FOXP2: variants seen among roughly 807,000 people sequenced by gnomAD.
The protein encoded by FOXP2 is forkhead box P2.
FOXP2 carries 12 observed loss-of-function variants against 115.8 expected under a neutral mutation model. That is an observed-to-expected ratio of 0.10 (90% CI 0.07 to 0.17). FOXP2 has a LOEUF of 0.17. Ranked by LOEUF, FOXP2 falls within the 10% of genes least tolerant of loss-of-function variation. FOXP2 has a pLI of 1.00. For synonymous variants in FOXP2, 328 were observed against 297.7 expected (o/e 1.10, Z -1.05); for missense variants, 629 against 843.5 (o/e 0.75, Z 3.15).
intron 3 of FOXP2, among the ~76,000 whole-genome samples, chr7:114,598,571 C>A (rs150011070): frequency 3.0e-4 from 45 of 151,990 alleles, no homozygotes; most frequent in African/African-American, 9.9e-4. Flanking sequence ...TACTTAATGA[C>A]ATTTATCTTT....
At chr7:114,477,829 A>C (rs1796351309) in intron 2 of FOXP2, among the ~76,000 whole-genome samples, 1 of 151,928 alleles carries the variant, frequency 6.6e-6, no homozygotes, top group Non-Finnish European at 1.5e-5. Context: ...TGAGATAAAA[A>C]TTATAAATAT....
At chr7:114,193,074 A>G (rs1406623635) in intron 1 of FOXP2, among the ~76,000 whole-genome samples, 1 of 152,120 alleles carries the variant, frequency 6.6e-6, no homozygotes, top group Non-Finnish European at 1.5e-5. Context: ...TATAGTAGAT[A>G]TTTTATAATA....
chr7:114,560,581 A>G (rs1347264715), intron 3 of FOXP2, among the ~76,000 whole-genome samples: 5 of 152,182 alleles, frequency 3.3e-5, no homozygotes, highest in Non-Finnish European at 4.4e-5. Context: ...GTGCCACTGC[A>G]CACCAGCCTG....
chr7:114,460,673 A>G (rs1314535553), intron 2 of FOXP2, among the ~76,000 whole-genome samples: 1 of 152,228 alleles, frequency 6.6e-6, no homozygotes, highest in Non-Finnish European at 1.5e-5. Context: ...CCTATGAATA[A>G]CATCAGTTAC....
At chr7:114,323,727 C>T (rs184646797) in intron 2 of FOXP2, among the ~76,000 whole-genome samples, 91 of 151,978 alleles carry the variant, frequency 6.0e-4, no homozygotes, top group African/African-American at 2.1e-3. Flanking sequence ...ATATGAAATA[C>T]CATCAGAGTA....
At chr7:114,224,002 A>G (rs1794685778) in intron 1 of FOXP2, among the ~76,000 whole-genome samples, 1 of 152,062 alleles carries the variant, frequency 6.6e-6, no homozygotes, top group African/African-American at 2.4e-5. Flanking sequence ...TACATTGAGA[A>G]TATATTTTTG....
At position 114,138,393 on chromosome 7, in the gene FOXP2, CTTTTTTT is replaced by C. The variant is rs34769199; in HGVS notation, c.-246-24541_-246-24535del. 3.6e-5 allele frequency among the ~76,000 whole-genome samples: 5 copies of C among 138,488 alleles called. No individual in the cohort carries two copies. In the East Asian group the frequency reaches 1.1e-3, roughly 29 times the overall value. The allele number at this position is 138,488 out of a possible 152,430, so 90.9% of individuals were successfully genotyped here. On this transcript the variant is annotated intron_variant, in intron 1 of 19. Transcript: ENST00000635638. Reference sequence around the variant, plus strand: ...CCCACAACAACTCTATAAGCCTATTCTTTTTTTTTTTTTTTTGAAACAGAGTCTCACA... The same window carrying C: ...CCCACAACAACTCTATAAGCCTATTCTTTTTTTTTGAAACAGAGTCTCACA...
intron 1 of FOXP2, among the ~76,000 whole-genome samples, chr7:114,426,145 T>C (rs1178215118): frequency 6.6e-6 from 1 of 151,560 alleles, no homozygotes; most frequent in Non-Finnish European, 1.5e-5. Flanking sequence ...TTGTCAAAGG[T>C]AGATAATAGG....
chr7:114,250,584 T>A (rs1042611447), intron 1 of FOXP2, among the ~76,000 whole-genome samples: 1 of 152,256 alleles, frequency 6.6e-6, no homozygotes, highest in African/African-American at 2.4e-5. Flanking sequence ...GTTGCCTGCA[T>A]AAATGTCTTA....
intron 6 of FOXP2, among the ~76,000 whole-genome samples, chr7:114,632,388 G>A (rs572396727): frequency 1.3e-5 from 2 of 152,258 alleles, no homozygotes; most frequent in Admixed American, 6.5e-5. Flanking sequence ...TTGGGAAATG[G>A]AAAGTTTTAA....
intron 2 of FOXP2, among the ~76,000 whole-genome samples, chr7:114,493,321 T>C (rs1797156850): frequency 6.6e-6 from 1 of 152,082 alleles, no homozygotes; most frequent in East Asian, 1.9e-4. Flanking sequence ...GTGAGATGGG[T>C]TTCCTGAATA....
At chr7:114,632,761 C>A (rs1337752016) in intron 6 of FOXP2, among the ~76,000 whole-genome samples, 1 of 151,684 alleles carries the variant, frequency 6.6e-6, no homozygotes, top group Non-Finnish European at 1.5e-5. Context: ...TTGAAGCACT[C>A]CTAGGAAATC....
At chr7:114,321,305 T>C (rs1797416779) in intron 2 of FOXP2, among the ~76,000 whole-genome samples, 1 of 151,832 alleles carries the variant, frequency 6.6e-6, no homozygotes, top group African/African-American at 2.4e-5. Context: ...TTCACGCCAT[T>C]CTCCTGCCTC....
intron 1 of FOXP2, among the ~76,000 whole-genome samples, chr7:114,242,335 G>T (rs1795176622): frequency 6.6e-6 from 1 of 152,026 alleles, no homozygotes; most frequent in Non-Finnish European, 1.5e-5. Flanking sequence ...CAAACATTTA[G>T]TTGGTAATGG....
At chr7:114,654,279 G>A in intron 10 of FOXP2, 1 of 712,526 alleles carries the variant, frequency 1.4e-6, no homozygotes, top group Non-Finnish European at 2.1e-6. Flanking sequence ...AAGCCAGAGA[G>A]AATTTCTTTC....
intron 1 of FOXP2, among the ~76,000 whole-genome samples, chr7:114,202,180 A>G (rs1305425212): frequency 6.6e-6 from 1 of 152,208 alleles, no homozygotes; most frequent in Non-Finnish European, 1.5e-5. Context: ...TTTATTTGGA[A>G]ATTAAGCGAT....
intron 2 of FOXP2, among the ~76,000 whole-genome samples, chr7:114,464,336 AC>A (rs1795714639): frequency 6.6e-6 from 1 of 152,206 alleles, no homozygotes; most frequent in Non-Finnish European, 1.5e-5. Context: ...ATGACTTATG[AC>A]CTTTAAAAAA....
intron 2 of FOXP2, among the ~76,000 whole-genome samples, chr7:114,474,886 A>C (rs1012436189): frequency 4.0e-5 from 6 of 151,874 alleles, no homozygotes; most frequent in Non-Finnish European, 5.9e-5. Flanking sequence ...CTGTTCCTAC[A>C]CTACTGTTTT....
rs775907750 is a variant in FOXP2 at position 114,265,704 on chromosome 7, C to G, written c.-101-22315C>G. Among the ~76,000 whole-genome samples the G allele has an allele frequency of 2.3e-4, 35 of 152,024 alleles. 1 individual carries two copies. The highest frequency in any genetic ancestry group is 5.9e-5 in the Non-Finnish European group (4 of 68,010). On this transcript the variant is annotated intron_variant, in intron 1 of 17. Transcript: ENST00000634411. The stretch of plus-strand genomic sequence containing the variant: ...GGGACTCTGCCTCTGCAGTGGGCTT[C>G]TGTGTGTGCACCCAGGCTTTCTCAG...
Sources: gnomAD v4.1 joint callset for allele counts (sites outside exome capture counted in the v4.1 genomes callset) on GRCh38, gnomAD v4.1.1 for gene constraint, MANE v1.5 for transcripts, NCBI Gene and HGNC (gene_info 2026-07-23, HGNC 2026-07-21) for gene names.